Variants in BRME1 observed in about 807,000 individuals in gnomAD.
BRME1 encodes the protein BRCA2 and MEILB2-associating protein 1.
BRME1 carries 31 observed loss-of-function variants against 52.6 expected under a neutral mutation model. That is an observed-to-expected ratio of 0.59 (90% CI 0.44 to 0.80). The LOEUF (loss-of-function observed/expected upper bound fraction) is 0.80. Ranked by LOEUF, BRME1 falls within the 30% of genes least tolerant of loss-of-function variation. BRME1 has a pLI of 0.00. For missense variants in BRME1, 804 were observed against 860.3 expected (o/e 0.93, Z 0.82); for synonymous variants, 359 against 353.6 (o/e 1.02, Z -0.17).
At chr19:13,884,611 G>A (rs1176936012) in intron 7 of BRME1, among the ~76,000 whole-genome samples, 3 of 147,882 alleles carry the variant, frequency 2.0e-5, no homozygotes, top group Admixed American at 1.3e-4. Context: ...CTGGGTGATG[G>A]GAGTAAGACT....
chr19:13,892,830 C>T lies in BRME1; in HGVS notation c.349G>A (p.Glu117Lys), dbSNP rs1969601403. The change falls in exon 5 of 9, where the codon GAA becomes AAA. Residue 117 changes from glutamate (E) to lysine (K), a missense_variant. This residue lies in a region of BRME1 where 234 missense variants were observed against 258.1 expected (regional missense o/e 0.91). Transcript: ENST00000586783. Reference sequence around the variant, plus strand: ...CCACGGTCCTCATCCTTCATCTCTTCTTTTCTTGTCACTGTCTTCCTGGAT... The same window carrying T: ...CCACGGTCCTCATCCTTCATCTCTTTTTTTCTTGTCACTGTCTTCCTGGAT... ...AKSRKTVTRKEEMKDEDRGSG... is the reference protein window; with the variant it reads ...AKSRKTVTRKKEMKDEDRGSG... 2 of 1,614,218 alleles carry T rather than the reference C, an allele frequency of 1.2e-6. No individual in the cohort carries two copies. The highest frequency in any genetic ancestry group is 1.1e-5 in the South Asian group (1 of 91,086).
chr19:13,884,028 C>A (rs1968825550), intron 7 of BRME1, among the ~76,000 whole-genome samples: 1 of 152,156 alleles, frequency 6.6e-6, no homozygotes, highest in Non-Finnish European at 1.5e-5. Flanking sequence ...TTGTCCCACA[C>A]TGCCTCCCCA....
intron 6 of BRME1, among the ~76,000 whole-genome samples, chr19:13,887,691 AGCTGT>A (rs1034537640): frequency 1.3e-5 from 2 of 151,956 alleles, no homozygotes; most frequent in African/African-American, 4.8e-5. Flanking sequence ...ATAAAATTTC[AGCTGT>A]GCCCAGCACC....
At chr19:13,893,258 C>G in intron 3 of BRME1, 35 bp from the exon 4 acceptor site, 3 of 1,540,350 alleles carry the variant, frequency 1.9e-6, no homozygotes, top group Non-Finnish European at 2.6e-6. Context: ...AGGAGATCTG[C>G]CCGGGTGCGG....
intron 3 of BRME1, among the ~76,000 whole-genome samples, chr19:13,893,916 CA>C (rs35791732): frequency 0.36 from 51,131 of 143,830 alleles, 11,678 homozygotes; most frequent in African/African-American, 0.67. Context: ...GACCCTATCT[CA>C]AAAAAAAAAA....
chr19:13,897,597 G>A (rs1281745580), intron 2 of BRME1, among the ~76,000 whole-genome samples: 1 of 152,178 alleles, frequency 6.6e-6, no homozygotes, highest in Non-Finnish European at 1.5e-5. Context: ...AGCAAGGAAA[G>A]ATGCCAGCCT....
chr19:13,884,099 G>C (rs1968830412), intron 7 of BRME1, among the ~76,000 whole-genome samples: 1 of 152,136 alleles, frequency 6.6e-6, no homozygotes, highest in South Asian at 2.1e-4. Context: ...GGAAGGTTTG[G>C]GAGGTCAAGG....
Position 13,904,842 on chromosome 19 carries a change from G to A in BRME1, c.31+20C>T. On this transcript the variant is annotated intron_variant, in intron 2 of 8. Coordinates refer to ENST00000586783, the MANE Select transcript of BRME1 (RefSeq NM_001345843.2). Reference sequence around the variant, plus strand: ...CAAGCAGAAGCAGAAATCAACAAGTGTCCATTTGAATGAACGTACCTGAGG... The same window carrying A: ...CAAGCAGAAGCAGAAATCAACAAGTATCCATTTGAATGAACGTACCTGAGG... 1.2e-6 allele frequency: 2 copies of A among 1,611,896 alleles called. No individual in the cohort carries two copies. Among genetic ancestry groups the A allele is most frequent in the Non-Finnish European group, 1.7e-6 (2 of 1,178,152 alleles).
At chr19:13,900,228 C>T (rs1599354473) in intron 2 of BRME1, among the ~76,000 whole-genome samples, 1 of 152,130 alleles carries the variant, frequency 6.6e-6, no homozygotes, top group African/African-American at 2.4e-5. Context: ...ACCTTGTGTT[C>T]GACACCAAAG....
intron 2 of BRME1, among the ~76,000 whole-genome samples, chr19:13,904,330 C>T (rs572116144): frequency 6.6e-6 from 1 of 152,252 alleles, no homozygotes; most frequent in Admixed American, 6.5e-5. Context: ...TGGTCTTGAA[C>T]TCCTGGACTC....
chr19:13,901,225 C>T (rs1599356288), intron 2 of BRME1, among the ~76,000 whole-genome samples: 1 of 151,758 alleles, frequency 6.6e-6, no homozygotes, highest in South Asian at 2.1e-4. Flanking sequence ...AATCCTTTCA[C>T]CTCGGCCTCC....
At chr19:13,894,404 C>A (rs1599341076) in intron 3 of BRME1, among the ~76,000 whole-genome samples, 1 of 152,006 alleles carries the variant, frequency 6.6e-6, no homozygotes, top group Non-Finnish European at 1.5e-5. Flanking sequence ...GGGCGCCTTT[C>A]ATCCCAGCTA....
rs780319121 is a variant in BRME1, at chr19:13,890,426, A to G, written c.430T>C (p.Cys144Arg). 5 of 1,514,810 alleles carry G rather than the reference A, an allele frequency of 3.3e-6. No homozygotes were observed. The highest frequency in any genetic ancestry group is 3.5e-6 in the Non-Finnish European group (4 of 1,138,712). 93.8% of individuals were successfully genotyped at this position (1,514,810 alleles called of 1,614,324 possible). The change falls in exon 6 of 9, where the codon TGC becomes CGC. Residue 144 changes from cysteine to arginine, a missense_variant. By Grantham distance (180) the Cys-to-Arg change is radical. Around this residue, in one of 3 missense-constraint regions of BRME1, gnomAD observed 234 missense variants for 258.1 expected, o/e 0.91. Coordinates refer to ENST00000586783, the MANE Select transcript of BRME1 (RefSeq NM_001345843.2). ...IAESSAQSPG[C>R]QLLVETLGVP... ...CCCAGGGTCTCCACTAGCAGCTGGC[A>G]TCCTGGACTCTGGGCGCTGGACTCT...
In BRME1 at chr19:13,883,013, C is replaced by T. The variant is rs1233360215; in HGVS notation, c.1857-61G>A. On this transcript the variant is annotated intron_variant, in intron 8 of 8. Coordinates refer to ENST00000586783, the MANE Select transcript of BRME1 (RefSeq NM_001345843.2). The surrounding 1 kb of genome is among the most constrained non-coding windows in gnomAD (Gnocchi z 4.2). ...GTGGTCACCAGGTGACAGAGGGGGC[C>T]GCGCCTCACAGCCACATGGTCACCA... 9.6e-6 allele frequency: 15 copies of T among 1,569,660 alleles called. No homozygotes were observed. Among genetic ancestry groups the T allele is most frequent in the South Asian group, 6.9e-5 (6 of 87,000 alleles).
intron 2 of BRME1, 97 bp from the exon 3 acceptor site, chr19:13,895,643 G>T: frequency 9.3e-7 from 1 of 1,080,050 alleles, no homozygotes; most frequent in Non-Finnish European, 1.4e-6. Flanking sequence ...GGCTGCACGC[G>T]AGAAGGGGCC....
intron 5 of BRME1, among the ~76,000 whole-genome samples, chr19:13,891,985 A>C (rs892201678): frequency 6.6e-6 from 1 of 151,788 alleles, no homozygotes; most frequent in Non-Finnish European, 1.5e-5. Flanking sequence ...AGGCAGGAAA[A>C]TCACTTGAAC....
intron 2 of BRME1, among the ~76,000 whole-genome samples, chr19:13,904,183 C>A (rs1970487297): frequency 2.0e-5 from 3 of 151,988 alleles, no homozygotes; most frequent in African/African-American, 7.3e-5. Flanking sequence ...GGATTCACTG[C>A]AACCTCCACC....
intron 5 of BRME1, among the ~76,000 whole-genome samples, chr19:13,892,449 G>A (rs949129122): frequency 7.9e-5 from 12 of 152,030 alleles, no homozygotes; most frequent in East Asian, 5.8e-4. Context: ...AGCTGGGCGC[G>A]GTGGGCAGGC....
chr19:13,903,959 T>C (rs1194516313), intron 2 of BRME1, among the ~76,000 whole-genome samples: 1 of 152,158 alleles, frequency 6.6e-6, no homozygotes. Context: ...TCTCTGGGAC[T>C]GGTTCCGCAG....
Sources: allele counts gnomAD v4.1 joint callset (sites outside exome capture counted in the v4.1 genomes callset), GRCh38; gene constraint gnomAD v4.1.1; regional missense constraint gnomAD v4.1.1; non-coding constraint Gnocchi (gnomAD v3.1); transcripts MANE v1.5; gene names NCBI Gene and HGNC (gene_info 2026-07-23, HGNC 2026-07-21).